Variants in HPS4 observed in about 807,000 individuals in gnomAD.
HPS4 encodes the protein HPS4 biogenesis of lysosomal organelles complex 3 subunit 2.
HPS4 carries 44 observed loss-of-function variants against 70.3 expected under a neutral mutation model. The ratio of observed to expected loss-of-function variants is 0.63; its 90% CI spans 0.49 to 0.80. HPS4 has a LOEUF of 0.80. Ranked by LOEUF, HPS4 falls within the 30% of genes least tolerant of loss-of-function variation. HPS4 has a pLI of 0.00. For synonymous variants in HPS4, 377 were observed against 355.9 expected (o/e 1.06, Z -0.67); for missense variants, 873 against 884.4 (o/e 0.99, Z 0.16).
At chr22:26,473,129 A>G (rs2090070405) in intron 4 of HPS4, among the ~76,000 whole-genome samples, 190 bp from the exon 5 acceptor site, 1 of 152,124 alleles carries the variant, frequency 6.6e-6, no homozygotes, top group South Asian at 2.1e-4. Flanking sequence ...CTGTACCTCA[A>G]TTCATGTTTT....
At chr22:26,476,875 A>G (rs991050963) in intron 4 of HPS4, 118 bp downstream of exon 4, 6 of 1,085,784 alleles carry the variant, frequency 5.5e-6, no homozygotes, top group Non-Finnish European at 8.4e-6. Flanking sequence ...ATTACTAAAC[A>G]CAGTACATGG....
intron 4 of HPS4, chr22:26,475,259 A>G (rs959272298): frequency 1.3e-5 from 2 of 152,144 alleles, no homozygotes; most frequent in African/African-American, 4.8e-5. Flanking sequence ...GAACGCTGAT[A>G]GATGCAACAA....
At chr22:26,479,868 T>C (rs1013937661) in intron 2 of HPS4, among the ~76,000 whole-genome samples, 3 of 152,192 alleles carry the variant, frequency 2.0e-5, no homozygotes, top group African/African-American at 7.2e-5. Context: ...GCAGTTTCAA[T>C]GCAGGATAGT....
Position 26,457,942 on chromosome 22 carries a change from C to G in HPS4, c.1872G>C (p.Pro624=). 1 of 1,613,772 alleles carries G rather than the reference C, an allele frequency of 6.2e-7. No individual in the cohort carries two copies. Among genetic ancestry groups the G allele is most frequent in the South Asian group, 1.1e-5 (1 of 91,086 alleles). ...CGGCCTGGAGGAAGCGGCGATCCTG[C>G]GGGGTGGCCACCTGCGGCAGGTTTG... ...LMANLPQVAT[P]QDRRFLQAVS... The change falls in exon 13 of 14, where the codon CCG becomes CCC. Residue 624 remains proline (P), a synonymous_variant. Coordinates refer to ENST00000398145, the MANE Select transcript of HPS4 (RefSeq NM_022081.6).
In HPS4 at chr22:26,463,955, C is replaced by T. The variant is rs1254171785; in HGVS notation, c.1675G>A (p.Glu559Lys). ...GCTGCGCTGTCTCCCAGCAGCGGCTCCTCAGCCAGCAGGGACAGCACCAGC... is the reference window on the plus strand; with the variant it reads ...GCTGCGCTGTCTCCCAGCAGCGGCTTCTCAGCCAGCAGGGACAGCACCAGC... ...KGLVLSLLAE[E>K]PLLGDSAAIE... Residue 559 changes from glutamate to lysine, a missense_variant, in exon 11 of 14, where the codon GAG becomes AAG. By Grantham distance (56) the Glu-to-Lys change is moderately conservative. Transcript: ENST00000398145. The T allele has an allele frequency of 1.9e-6, 3 of 1,614,058 alleles. No individual in the cohort carries two copies. The highest frequency in any genetic ancestry group is 2.5e-6 in the Non-Finnish European group (3 of 1,180,042).
intron 7 of HPS4, 98 bp downstream of exon 7, chr22:26,470,621 G>T: frequency 8.3e-7 from 1 of 1,210,056 alleles, no homozygotes; most frequent in Non-Finnish European, 1.2e-6. Flanking sequence ...CTTGGAACTG[G>T]CCAGAGACTG....
chr22:26,481,072 C>G (rs2147022774), intron 2 of HPS4, among the ~76,000 whole-genome samples: 1 of 152,248 alleles, frequency 6.6e-6, no homozygotes, highest in South Asian at 2.1e-4. Flanking sequence ...ACTCCATGTG[C>G]ACCCCATCCT....
chr22:26,461,133 A>G (rs1212161111), intron 11 of HPS4, among the ~76,000 whole-genome samples: 1 of 152,226 alleles, frequency 6.6e-6, no homozygotes, highest in African/African-American at 2.4e-5. Flanking sequence ...AAGTGGCACA[A>G]ATGTCAGTGT....
chr22:26,448,046 G>A (rs1336821684), downstream of HPS4, among the ~76,000 whole-genome samples: 1 of 152,234 alleles, frequency 6.6e-6, no homozygotes, highest in Admixed American at 6.5e-5. Context: ...AGGTCACGCA[G>A]CCAGCTGCAG....
At chr22:26,450,252 G>C (rs16982122), downstream of HPS4, among the ~76,000 whole-genome samples, 1 of 152,216 alleles carries the variant, frequency 6.6e-6, no homozygotes, top group Admixed American at 6.5e-5. Context: ...TGCACACACA[G>C]GGAAGTGGCC....
intron 13 of HPS4, 85 bp downstream of exon 13, chr22:26,457,773 GA>G: frequency 1.0e-6 from 1 of 952,760 alleles, no homozygotes. Context: ...ATCTACTTAG[GA>G]ATAAGGCGCT....
rs767548244 is a variant in HPS4, at chr22:26,464,314, G to A, written c.1316C>T (p.Ala439Val). Residue 439 changes from alanine to valine, a missense_variant, in exon 11 of 14, where the codon GCC becomes GTC. Coordinates refer to ENST00000398145, the MANE Select transcript of HPS4 (RefSeq NM_022081.6). ...AGGATGGTCTTCGAGCTGCTCTTGG[G>A]CTCCATGCTGGGTCAGCATCTCAGG... Reference protein sequence around the residue: ...SAPEMLTQHGAQEQLEDHPGH... With the variant: ...SAPEMLTQHGVQEQLEDHPGH... 6.2e-7 allele frequency: 1 copy of A among 1,614,078 alleles called. No homozygotes were observed. The highest frequency in any genetic ancestry group is 8.5e-7 in the Non-Finnish European group (1 of 1,180,020).
intron 9 of HPS4, 80 bp downstream of exon 9, chr22:26,466,146 T>C: frequency 6.2e-7 from 1 of 1,612,588 alleles, no homozygotes; most frequent in Non-Finnish European, 8.5e-7. Context: ...TGGCTTGGTT[T>C]CCTTCGCATA....
chr22:26,472,680 C>T (rs1001266756), intron 5 of HPS4, 152 bp downstream of exon 5: 1 of 773,236 alleles, frequency 1.3e-6, no homozygotes, highest in African/African-American at 1.7e-5. Context: ...GGCCCAAAGG[C>T]ATATGAGGGG....
intron 7 of HPS4, among the ~76,000 whole-genome samples, chr22:26,469,592 TTATGTCTA>T (rs1273502616): frequency 6.6e-6 from 1 of 151,602 alleles, no homozygotes; most frequent in Non-Finnish European, 1.5e-5. Flanking sequence ...GTGCAGTGGC[TTATGTCTA>T]TAATCCAAGC....
In HPS4 at chr22:26,452,284, A is replaced by T. The variant is rs1385542259; in HGVS notation, c.*949T>A. On this transcript the variant is annotated 3_prime_UTR_variant, in exon 14 of 14. Transcript: ENST00000398145. ...ATTTTGACAAATATTTTCATCCTGC[A>T]GTCTGTCTCATACTGTCAAAAAAAT... 2.3e-6 allele frequency: 1 copy of T among 443,358 alleles called. No individual in the cohort carries two copies. Among genetic ancestry groups the T allele is most frequent in the Non-Finnish European group, 4.5e-6 (1 of 223,220 alleles). 27.5% of individuals were successfully genotyped at this position (443,358 alleles called of 1,614,324 possible). A position where few individuals can be genotyped will look rare whatever the true frequency, so the allele number is the denominator to read the frequency against.
intron 11 of HPS4, among the ~76,000 whole-genome samples, chr22:26,462,919 G>C (rs758710066): frequency 3.9e-5 from 6 of 152,242 alleles, no homozygotes; most frequent in Non-Finnish European, 2.9e-5. Flanking sequence ...CTTGCTAGGA[G>C]CTCTGTGCAA....
chr22:26,479,469 T>C, intron 2 of HPS4, 114 bp from the exon 3 acceptor site: 1 of 1,510,168 alleles, frequency 6.6e-7, no homozygotes, highest in Non-Finnish European at 8.8e-7. Context: ...TTTGAAAGCC[T>C]TCAGGTGGCC....
downstream of HPS4, among the ~76,000 whole-genome samples, chr22:26,447,545 TAC>T (rs1208225010): frequency 6.6e-6 from 1 of 152,126 alleles, no homozygotes; most frequent in Non-Finnish European, 1.5e-5. Flanking sequence ...AGGTGCTCCA[TAC>T]ACATTGTCAG....
Sources: allele counts gnomAD v4.1 joint callset (sites outside exome capture counted in the v4.1 genomes callset), GRCh38; gene constraint gnomAD v4.1.1; transcripts MANE v1.5; gene names NCBI Gene and HGNC (gene_info 2026-07-23, HGNC 2026-07-21).